EXOSC9: variants seen among roughly 807,000 people sequenced by gnomAD.
EXOSC9 encodes the protein exosome complex component RRP45.
EXOSC9 carries 38 observed loss-of-function variants against 56.5 expected under a neutral mutation model. That is an observed-to-expected ratio of 0.67 (90% CI 0.52 to 0.88). The LOEUF (loss-of-function observed/expected upper bound fraction) is 0.88, where lower values mean the gene tolerates loss of function less well. Among genes scored for constraint, EXOSC9 ranks in the 40% least tolerant of loss-of-function variants. The pLI is 0.00. For missense variants in EXOSC9, 559 were observed against 530.5 expected (o/e 1.05, Z -0.53); for synonymous variants, 170 against 170.8 (o/e 0.99, Z 0.04).
chr4:121,806,443 G>A (rs555197005), intron 5 of EXOSC9, among the ~76,000 whole-genome samples: 2 of 150,118 alleles, frequency 1.3e-5, no homozygotes, highest in Admixed American at 1.3e-4. Flanking sequence ...GCCCCCAGCC[G>A]ACCTTATAAT....
intron 4 of EXOSC9, among the ~76,000 whole-genome samples, chr4:121,803,422 ATTTGGATAGG>A (rs1447129378): frequency 6.6e-6 from 1 of 152,138 alleles, no homozygotes; most frequent in African/African-American, 2.4e-5. Flanking sequence ...GAAATCCTTC[ATTTGGATAGG>A]TTTATCGATT....
intron 1 of EXOSC9, 67 bp downstream of exon 1, chr4:121,801,557 C>A: frequency 3.5e-6 from 5 of 1,431,696 alleles, no homozygotes; most frequent in Non-Finnish European, 4.9e-6. Context: ...TGGACTGATA[C>A]CTGGCCCGCC....
chr4:121,814,078 A>G, intron 10 of EXOSC9, 31 bp downstream of exon 10: 3 of 994,282 alleles, frequency 3.0e-6, no homozygotes, highest in Non-Finnish European at 4.5e-6. Flanking sequence ...CACTTACTAT[A>G]TATTACATAC....
At position 121,807,575 on chromosome 4, in the gene EXOSC9, T is replaced by C. The variant is rs773419351; in HGVS notation, c.558T>C (p.Ser186=). The C allele has an allele frequency of 1.9e-6, 3 of 1,613,580 alleles. No individual in the cohort carries two copies. The highest frequency in any genetic ancestry group is 8.5e-7 in the Non-Finnish European group (1 of 1,179,500). ...AAGAGCGTGATCCTGTACCATTAAGTATCCACCACATGCCCATTTGTGTCA... is the reference window on the plus strand; with the variant it reads ...AAGAGCGTGATCCTGTACCATTAAGCATCCACCACATGCCCATTTGTGTCA... ...TPEERDPVPL[S]IHHMPICVSF... Residue 186 remains serine, a synonymous_variant, in exon 6 of 12, where the codon AGT becomes AGC. Transcript: ENST00000243498.
chr4:121,816,277 A>G (rs1724497863), intron 10 of EXOSC9, 92 bp from the exon 11 acceptor site: 1 of 766,100 alleles, frequency 1.3e-6, no homozygotes. Flanking sequence ...AAGAGTTTAG[A>G]ACGTCTGATA....
chr4:121,813,163 C>T, intron 8 of EXOSC9, 71 bp from the exon 9 acceptor site: 33 of 1,383,758 alleles, frequency 2.4e-5, no homozygotes, highest in South Asian at 1.4e-4. Flanking sequence ...AGTTTTTTTC[C>T]CTTCCTGTCT....
chr4:121,807,018 C>T (rs533641342), intron 5 of EXOSC9, among the ~76,000 whole-genome samples: 2 of 152,268 alleles, frequency 1.3e-5, no homozygotes, highest in East Asian at 3.9e-4. Flanking sequence ...TTTGGCTGGG[C>T]GTGGTGGCTC....
At chr4:121,802,111 A>G (rs776519618) in intron 2 of EXOSC9, among the ~76,000 whole-genome samples, 190 bp downstream of exon 2, 6 of 152,152 alleles carry the variant, frequency 3.9e-5, no homozygotes, top group Admixed American at 6.5e-5. Context: ...TCATAAACGT[A>G]TTTTCTGTCA....
rs371218450 is a variant in EXOSC9 at position 121,807,634 on chromosome 4, C to G, written c.605+12C>G. The G allele has an allele frequency of 7.0e-6, 11 of 1,569,890 alleles. No homozygotes were observed. The highest frequency in any genetic ancestry group is 7.9e-6 in the Non-Finnish European group (9 of 1,139,992). On this transcript the variant is annotated intron_variant, in intron 6 of 11. Coordinates refer to ENST00000243498, the MANE Select transcript of EXOSC9 (RefSeq NM_005033.3). ...TTTTTCCAGCAAGGGTAAGCCTCGC[C>G]TTATTATGGGCCAAAATTACAAATG...
At chr4:121,804,541 G>A in intron 4 of EXOSC9, 81 bp from the exon 5 acceptor site, 1 of 874,726 alleles carries the variant, frequency 1.1e-6, no homozygotes. Flanking sequence ...AAAATAATTT[G>A]TACACAATGT....
Position 121,801,334 on chromosome 4 carries a change from G to A in EXOSC9, c.-91G>A, listed in dbSNP as rs1726850839. On this transcript the variant is annotated 5_prime_UTR_variant, in exon 1 of 12. Transcript: ENST00000243498. ...CGCGCCTTGATGACGTAATTTTCCTGCGCCTCGGGGCGAGCAGCGGCGCGC... is the reference window on the plus strand; with the variant it reads ...CGCGCCTTGATGACGTAATTTTCCTACGCCTCGGGGCGAGCAGCGGCGCGC... 2.4e-6 allele frequency: 3 copies of A among 1,276,128 alleles called. No individual in the cohort carries two copies. The highest frequency in any genetic ancestry group is 1.5e-5 in the African/African-American group (1 of 68,236). 79.1% of individuals were successfully genotyped at this position (1,276,128 alleles called of 1,614,324 possible).
intron 10 of EXOSC9, chr4:121,815,804 G>T: frequency 2.9e-6 from 3 of 1,023,542 alleles, no homozygotes; most frequent in Non-Finnish European, 3.5e-6. Flanking sequence ...CTCTACAAAA[G>T]ATGCTATATA....
intron 7 of EXOSC9, among the ~76,000 whole-genome samples, chr4:121,810,372 A>G (rs1423012569): frequency 9.8e-6 from 1 of 101,794 alleles, no homozygotes; most frequent in Non-Finnish European, 1.9e-5. Context: ...AAAGATTTAT[A>G]TCCCTATTAA....
At chr4:121,803,879 C>A (rs1726942433) in intron 4 of EXOSC9, among the ~76,000 whole-genome samples, 1 of 152,016 alleles carries the variant, frequency 6.6e-6, no homozygotes, top group Admixed American at 6.6e-5. Flanking sequence ...ATTTTCATCC[C>A]AGAGAAGTCA....
At chr4:121,808,560 C>T (rs1016067539) in intron 6 of EXOSC9, among the ~76,000 whole-genome samples, 8 of 151,944 alleles carry the variant, frequency 5.3e-5, no homozygotes, top group African/African-American at 1.9e-4. Flanking sequence ...AGAGGTTTTG[C>T]CATATTGCCC....
At position 121,815,516 on chromosome 4, in the gene EXOSC9, T is replaced by C. The variant is rs1489734475; in HGVS notation, c.1157-853T>C. ...TTGATATGGGTTAATTCACATTTTA[T>C]GTATATCATTAACTAATAAGCAGGA... On this transcript the variant is annotated intron_variant, in intron 10 of 11. Coordinates refer to ENST00000243498, the MANE Select transcript of EXOSC9 (RefSeq NM_005033.3). 3.1e-5 allele frequency: 31 copies of C among 984,160 alleles called. 1 individual carries two copies. The highest frequency in any genetic ancestry group is 1.7e-5 in the African/African-American group (1 of 57,230). 61.0% of individuals were successfully genotyped at this position (984,160 alleles called of 1,614,324 possible). A position where few individuals can be genotyped will look rare whatever the true frequency, so the allele number is the denominator to read the frequency against.
At chr4:121,815,688 A>C (rs1364759501) in intron 10 of EXOSC9, 1 of 985,750 alleles carries the variant, frequency 1.0e-6, no homozygotes, top group Non-Finnish European at 1.2e-6. Context: ...CAGTATTAAA[A>C]ACACCAGCAA....
chr4:121,809,896 A>T, intron 6 of EXOSC9, 71 bp from the exon 7 acceptor site: 1 of 1,580,114 alleles, frequency 6.3e-7, no homozygotes, highest in Non-Finnish European at 8.7e-7. Context: ...CATCTTTTAA[A>T]AATTCATTAC....
At chr4:121,815,361 A>G (rs1724458933) in intron 10 of EXOSC9, 1 of 978,310 alleles carries the variant, frequency 1.0e-6, no homozygotes, top group Non-Finnish European at 1.2e-6. Context: ...GTATTCTTCT[A>G]ACAGTGAATA....
Sources: allele counts gnomAD v4.1 joint callset (sites outside exome capture counted in the v4.1 genomes callset), GRCh38; gene constraint gnomAD v4.1.1; transcripts MANE v1.5; gene names NCBI Gene and HGNC (gene_info 2026-07-23, HGNC 2026-07-21).